The following PSMG2 variants were observed in gnomAD, a reference collection of about 807,000 sequenced individuals.
PSMG2 encodes CD40 ligand-activated specific transcript 3.
A neutral mutation model predicts 31.5 loss-of-function variants in PSMG2; 21 were observed. The observed-to-expected ratio is 0.67, with a 90% CI of 0.47 to 0.96. The LOEUF is 0.96. Among genes scored for constraint, PSMG2 ranks in the 40% least tolerant of loss-of-function variants. PSMG2 has a pLI of 0.00. For synonymous variants in PSMG2, 120 were observed against 110.4 expected (o/e 1.09, Z -0.54); for missense variants, 318 against 321.2 (o/e 0.99, Z 0.08).
chr18:12,689,715 C>T (rs925015773), intron 1 of PSMG2, among the ~76,000 whole-genome samples: 2 of 152,100 alleles, frequency 1.3e-5, no homozygotes, highest in African/African-American at 2.4e-5. Flanking sequence ...CCTAATTCCA[C>T]GTGGCAATGA....
intron 1 of PSMG2, among the ~76,000 whole-genome samples, chr18:12,676,420 A>G (rs1410760504): frequency 1.3e-5 from 2 of 150,996 alleles, no homozygotes; most frequent in African/African-American, 2.4e-5. Context: ...GACTACAGGC[A>G]TGCACCACCA....
At chr18:12,689,112 A>C (rs776824496) in intron 1 of PSMG2, among the ~76,000 whole-genome samples, 24 of 152,172 alleles carry the variant, frequency 1.6e-4, no homozygotes, top group Non-Finnish European at 2.9e-4. Context: ...TCTGTCTCAC[A>C]ACAACAACAA....
upstream of PSMG2, chr18:12,699,064 T>C (rs528967798): frequency 9.9e-6 from 16 of 1,614,106 alleles, no homozygotes; most frequent in South Asian, 8.8e-5. Flanking sequence ...AACGAAAACG[T>C]TGGTTTCGAT....
At chr18:12,677,111 G>A (rs1422905144) in intron 1 of PSMG2, among the ~76,000 whole-genome samples, 1 of 151,950 alleles carries the variant, frequency 6.6e-6, no homozygotes, top group African/African-American at 2.4e-5. Flanking sequence ...TACTTTTTAT[G>A]TCTTCTTAAA....
chr18:12,709,745 C>G (rs908993784), intron 2 of PSMG2, among the ~76,000 whole-genome samples: 2 of 152,074 alleles, frequency 1.3e-5, no homozygotes, highest in South Asian at 4.1e-4. Flanking sequence ...GGTGATCCAA[C>G]CACCTTGGCC....
upstream of PSMG2, chr18:12,699,746 A>C: frequency 2.7e-6 from 2 of 750,442 alleles, no homozygotes. Flanking sequence ...AAAAAATGGA[A>C]ATGTCTTCTA....
chr18:12,702,747 A>G (rs924800801), upstream of PSMG2: 31 of 606,360 alleles, frequency 5.1e-5, 1 homozygote, highest in South Asian at 6.1e-4. Flanking sequence ...CGGCGGCGCC[A>G]ACTGTTTTCA....
At chr18:12,674,251 A>C (rs139075277) in intron 1 of PSMG2, among the ~76,000 whole-genome samples, 1 of 152,042 alleles carries the variant, frequency 6.6e-6, no homozygotes, top group Admixed American at 6.6e-5. Context: ...AGCCTGGGCA[A>C]CATAGGAAGA....
In PSMG2 at chr18:12,725,604, A is replaced by G; in HGVS notation, c.*73A>G. The G allele has an allele frequency of 8.8e-7, 1 of 1,136,438 alleles. No individual in the cohort carries two copies. Among genetic ancestry groups the G allele is most frequent in the Non-Finnish European group, 1.3e-6 (1 of 799,690 alleles). The allele number at this position is 1,136,438 out of a possible 1,614,324, so 70.4% of individuals were successfully genotyped here. ...CAGCTGTTAAACATTCTATACAAAAAAATTGTATGATCTGGTATTAGGAAA... is the reference window on the plus strand; with the variant it reads ...CAGCTGTTAAACATTCTATACAAAAGAATTGTATGATCTGGTATTAGGAAA... On this transcript the variant is annotated 3_prime_UTR_variant, in exon 7 of 7. Coordinates refer to ENST00000317615, the MANE Select transcript of PSMG2 (RefSeq NM_020232.5).
intron 1 of PSMG2, among the ~76,000 whole-genome samples, chr18:12,684,129 A>G (rs1363553063): frequency 2.0e-5 from 3 of 151,270 alleles, no homozygotes; most frequent in Non-Finnish European, 4.4e-5. Flanking sequence ...GGTTCAAGTG[A>G]TTCTCCTTTT....
At chr18:12,696,677 G>A (rs191217422) in intron 1 of PSMG2, among the ~76,000 whole-genome samples, 30 of 152,278 alleles carry the variant, frequency 2.0e-4, no homozygotes, top group Non-Finnish European at 3.1e-4. Flanking sequence ...ATAGCGGGCA[G>A]TGTGCAAGAT....
intron 3 of PSMG2, among the ~76,000 whole-genome samples, chr18:12,715,728 A>T (rs1052373990): frequency 5.9e-5 from 9 of 151,768 alleles, no homozygotes; most frequent in Non-Finnish European, 1.0e-4. Context: ...CTGGTCTCAC[A>T]CTCCTGACCT....
rs144968403 is a variant in PSMG2, at chr18:12,697,084, A to T, written c.-36-9466A>T. 1.5e-3 allele frequency: 836 copies of T among 569,224 alleles called. 5 individuals are homozygous for T. Among genetic ancestry groups the T allele is most frequent in the East Asian group, 0.012 (420 of 34,162 alleles). The allele number at this position is 569,224 out of a possible 1,614,324, so 35.3% of individuals were successfully genotyped here. ...GACATTTCTCAAGATTAGGATGCTG[A>T]GGTCCAATTGTAACTCTAACGAAAT... On this transcript the variant is annotated intron_variant, in intron 1 of 6. Transcript: ENST00000585331.
rs1400500146 is a variant in PSMG2 at position 12,718,458 on chromosome 18, TTGTA to T, written c.289-56_289-53del. 6 of 953,050 alleles carry T rather than the reference TTGTA, an allele frequency of 6.3e-6. No homozygotes were observed. The East Asian group carries it at 9.8e-5, about 16-fold the overall frequency. The allele number at this position is 953,050 out of a possible 1,614,324, so 59.0% of individuals were successfully genotyped here. A position where few individuals can be genotyped will look rare whatever the true frequency, so the allele number is the denominator to read the frequency against. ...GTTGATGAAATAGTATATAGAATGT[TTGTA>T]TGCTCTAAGACTAACTTTTAGATTT... On this transcript the variant is annotated intron_variant, in intron 3 of 6. Coordinates refer to ENST00000317615, the MANE Select transcript of PSMG2 (RefSeq NM_020232.5).
At chr18:12,705,385 AT>A (rs2040254356) in intron 1 of PSMG2, among the ~76,000 whole-genome samples, 1 of 152,078 alleles carries the variant, frequency 6.6e-6, no homozygotes, top group Admixed American at 6.6e-5. Flanking sequence ...AATACAAAAT[AT>A]GGGGAAAAAT....
intron 1 of PSMG2, among the ~76,000 whole-genome samples, chr18:12,687,864 A>G (rs527319285): frequency 1.3e-5 from 2 of 152,254 alleles, no homozygotes; most frequent in East Asian, 3.9e-4. Flanking sequence ...CTAGTGTGGT[A>G]TAAGAATACT....
chr18:12,705,540 GGAAAAA>G (rs1332112497), intron 1 of PSMG2, among the ~76,000 whole-genome samples: 2 of 127,092 alleles, frequency 1.6e-5, no homozygotes, highest in Non-Finnish European at 3.4e-5. Context: ...TTAAGTCATG[GGAAAAA>G]GAGAGAGAGA....
At position 12,669,415 on chromosome 18, in the gene PSMG2, AT is replaced by A. The variant is rs1041000290; in HGVS notation, c.-37+10650del. Among the ~76,000 whole-genome samples the A allele has an allele frequency of 2.6e-5, 4 of 151,412 alleles. No individual in the cohort carries two copies. In the East Asian group the frequency reaches 7.8e-4, roughly 30 times the overall value. ...GCATGAGCCACCGCGCCTGGCCCCA[AT>A]TTTTTTTATTTTTCAGAGATGCCAT... On this transcript the variant is annotated intron_variant, in intron 1 of 6. Transcript: ENST00000585331.
At chr18:12,703,019 A>T (rs2040209980), upstream of PSMG2, 2 of 1,458,894 alleles carry the variant, frequency 1.4e-6, no homozygotes, top group East Asian at 5.1e-5. Flanking sequence ...GCGCCCCGCG[A>T]GGCTCCGGGG....
Sources: allele counts gnomAD v4.1 joint callset (sites outside exome capture counted in the v4.1 genomes callset), GRCh38; gene constraint gnomAD v4.1.1; transcripts MANE v1.5; gene names NCBI Gene and HGNC (gene_info 2026-07-23, HGNC 2026-07-21).